FAF1: variants seen among roughly 807,000 people sequenced by gnomAD.
FAF1 encodes Fas associated factor 1.
Under a neutral mutation model 92.5 loss-of-function variants are expected in FAF1, and 25 were observed. The observed-to-expected ratio is 0.27, with a 90% confidence interval of 0.20 to 0.38. FAF1 has a LOEUF of 0.38. FAF1 is among the 10% of genes least tolerant of loss of function. The pLI, the probability that FAF1 is intolerant of heterozygous loss-of-function variation, is 1.00. For missense variants in FAF1, 636 were observed against 793.3 expected (o/e 0.80, Z 2.38); for synonymous variants, 234 against 273.2 (o/e 0.86, Z 1.42).
At chr1:50,590,832 A>G (rs1053046454) in intron 9 of FAF1, among the ~76,000 whole-genome samples, 8 of 152,154 alleles carry the variant, frequency 5.3e-5, no homozygotes, top group African/African-American at 1.7e-4. Context: ...AATTACAAAA[A>G]TTAGCCAGGT....
intron 12 of FAF1, among the ~76,000 whole-genome samples, chr1:50,571,066 C>T (rs987177029): frequency 2.0e-5 from 3 of 152,210 alleles, no homozygotes; most frequent in African/African-American, 2.4e-5. Context: ...TATGTATTAG[C>T]GATTGAGACT....
intron 18 of FAF1, chr1:50,451,847 CT>C (rs755017548): frequency 3.9e-6 from 4 of 1,014,296 alleles, no homozygotes; most frequent in Non-Finnish European, 4.7e-6. Flanking sequence ...TAGCCTATGC[CT>C]TTAGATGGAC....
rs148486158 is a variant in FAF1, at chr1:50,905,142, T to C, written c.46-47145A>G. Among the ~76,000 whole-genome samples, 1,109 of 152,274 alleles carry C rather than the reference T, an allele frequency of 7.3e-3. 12 individuals are homozygous for C. The highest frequency in any genetic ancestry group is 0.025 in the African/African-American group (1,059 of 41,550). On this transcript the variant is annotated intron_variant, in intron 1 of 18. Coordinates refer to ENST00000396153, the MANE Select transcript of FAF1 (RefSeq NM_007051.3). ...ATGAGTGAGAACATGTGGTGTCTGT[T>C]TTACTGTATTTGCGATCGTTTGCTC... is the stretch of plus-strand genomic sequence containing the variant.
At chr1:50,666,170 T>C (rs1409256517) in intron 7 of FAF1, among the ~76,000 whole-genome samples, 1 of 150,174 alleles carries the variant, frequency 6.7e-6, no homozygotes, top group Non-Finnish European at 1.5e-5. Context: ...CGCCTTGGCC[T>C]CCCAAATTGC....
intron 6 of FAF1, among the ~76,000 whole-genome samples, chr1:50,715,867 A>C (rs1322356585): frequency 6.6e-6 from 1 of 152,202 alleles, no homozygotes; most frequent in Non-Finnish European, 1.5e-5. Context: ...GGCCCTAATA[A>C]ATTTGAAGCT....
chr1:50,943,173 C>T (rs1420600158), intron 1 of FAF1, among the ~76,000 whole-genome samples: 1 of 152,130 alleles, frequency 6.6e-6, no homozygotes, highest in Non-Finnish European at 1.5e-5. Flanking sequence ...TCTGATTAAT[C>T]CAACTGACAG....
intron 1 of FAF1, among the ~76,000 whole-genome samples, chr1:50,907,080 T>C (rs144193502): frequency 2.6e-5 from 4 of 152,340 alleles, no homozygotes; most frequent in African/African-American, 9.6e-5. Context: ...TTGAGAGTTT[T>C]TAGCATGAAG....
At chr1:50,566,038 T>C (rs1303790731) in intron 13 of FAF1, among the ~76,000 whole-genome samples, 1 of 152,126 alleles carries the variant, frequency 6.6e-6, no homozygotes, top group African/African-American at 2.4e-5. Flanking sequence ...TCTTTATTTA[T>C]GTATAACAGG....
intron 2 of FAF1, among the ~76,000 whole-genome samples, chr1:50,841,859 A>G (rs1405542444): frequency 6.6e-6 from 1 of 152,122 alleles, no homozygotes; most frequent in African/African-American, 2.4e-5. Context: ...TGATTCCAAA[A>G]CTTCACTTTA....
chr1:50,946,755 A>G (rs965875478), intron 1 of FAF1, among the ~76,000 whole-genome samples: 1 of 152,236 alleles, frequency 6.6e-6, no homozygotes, highest in Non-Finnish European at 1.5e-5. Flanking sequence ...CTGGTTCTCC[A>G]ATCCCATTTC....
chr1:50,879,420 C>CTAG (rs1163542538), intron 1 of FAF1, among the ~76,000 whole-genome samples: 2 of 151,644 alleles, frequency 1.3e-5, no homozygotes, highest in Non-Finnish European at 2.9e-5. Flanking sequence ...AATTCACAAC[C>CTAG]TAGTATATGT....
intron 3 of FAF1, among the ~76,000 whole-genome samples, chr1:50,800,199 T>C (rs751546735): frequency 7.2e-5 from 11 of 152,218 alleles, no homozygotes; most frequent in Admixed American, 6.5e-4. Context: ...AAAGATGGAA[T>C]GTTTCCAGGG....
chr1:50,511,008 C>T (rs1025342630), intron 15 of FAF1, among the ~76,000 whole-genome samples: 4 of 152,086 alleles, frequency 2.6e-5, no homozygotes, highest in African/African-American at 7.2e-5. Context: ...TCCCCAAATT[C>T]TAGAAAGTTA....
At chr1:50,812,126 T>C (rs1643921756) in intron 2 of FAF1, among the ~76,000 whole-genome samples, 1 of 152,106 alleles carries the variant, frequency 6.6e-6, no homozygotes. Flanking sequence ...GGAGATACCA[T>C]TCTGGACCTA....
chr1:50,827,253 G>A (rs1644108856), intron 2 of FAF1, among the ~76,000 whole-genome samples: 1 of 152,200 alleles, frequency 6.6e-6, no homozygotes, highest in African/African-American at 2.4e-5. Flanking sequence ...GAAAGAAGTA[G>A]ACATAGGAGA....
chr1:50,768,337 C>T (rs1306676132), intron 4 of FAF1, among the ~76,000 whole-genome samples: 1 of 152,082 alleles, frequency 6.6e-6, no homozygotes, highest in East Asian at 1.9e-4. Flanking sequence ...GATAACCACA[C>T]AATAATAGTA....
chr1:50,487,115 A>G (rs1342912082), intron 17 of FAF1, among the ~76,000 whole-genome samples: 1 of 152,198 alleles, frequency 6.6e-6, no homozygotes, highest in African/African-American at 2.4e-5. Context: ...GCTATTAGAT[A>G]TAGTTGGGGT....
chr1:50,462,612 G>A (rs1440568130), intron 18 of FAF1, among the ~76,000 whole-genome samples: 1 of 152,166 alleles, frequency 6.6e-6, no homozygotes, highest in Non-Finnish European at 1.5e-5. Context: ...AAGGACAACC[G>A]TAGGGGTTCG....
intron 15 of FAF1, among the ~76,000 whole-genome samples, chr1:50,499,490 CCACTGAGATGATTATA>C (rs1219588546): frequency 6.6e-6 from 1 of 151,218 alleles, no homozygotes; most frequent in Non-Finnish European, 1.5e-5. Flanking sequence ...GTCTCTGCAT[CCACTGAGATGATTATA>C]TCATAAATTA....
Sources: gnomAD v4.1 joint callset for allele counts (sites outside exome capture counted in the v4.1 genomes callset) on GRCh38, gnomAD v4.1.1 for gene constraint, MANE v1.5 for transcripts, NCBI Gene and HGNC (gene_info 2026-07-23, HGNC 2026-07-21) for gene names.